SERGEF: variants seen among roughly 807,000 people sequenced by gnomAD.
The protein encoded by SERGEF is secretion-regulating guanine nucleotide exchange factor.
A neutral mutation model predicts 50.0 loss-of-function variants in SERGEF; 51 were observed. That is an observed-to-expected ratio of 1.02 (90% CI 0.81 to 1.29). SERGEF has a LOEUF of 1.29. Ranked by LOEUF, SERGEF falls within the 50% of genes most tolerant of loss-of-function variation. The pLI is 0.00. For missense variants in SERGEF, 521 were observed against 557.0 expected, an observed-to-expected ratio of 0.94 and a Z score of 0.65; for synonymous variants, 205 against 212.4, an observed-to-expected ratio of 0.97 and a Z score of 0.30.
intron 1 of SERGEF, 75 bp from the exon 2 acceptor site, chr11:18,008,151 C>G: frequency 7.0e-7 from 1 of 1,437,360 alleles, no homozygotes; most frequent in Non-Finnish European, 9.6e-7. Flanking sequence ...GTCTCTGTCT[C>G]TCTCACCCTG....
chr11:17,973,182 G>A (rs892881367), intron 8 of SERGEF, among the ~76,000 whole-genome samples: 1 of 152,142 alleles, frequency 6.6e-6, no homozygotes, highest in African/African-American at 2.4e-5. Context: ...AACCTGCAGA[G>A]GAGCTGCTTG....
At chr11:17,828,356 C>T (rs1386249152) in intron 10 of SERGEF, among the ~76,000 whole-genome samples, 3 of 152,180 alleles carry the variant, frequency 2.0e-5, no homozygotes, top group Non-Finnish European at 2.9e-5. Context: ...TGGCCTGCAC[C>T]GGCAGCAGGA....
chr11:17,984,635 C>A (rs957795668), intron 8 of SERGEF, among the ~76,000 whole-genome samples: 2 of 152,116 alleles, frequency 1.3e-5, no homozygotes, highest in African/African-American at 4.8e-5. Context: ...AAGGCTACTG[C>A]AGGATTTAGT....
chr11:17,918,031 T>C (rs1852080954), intron 9 of SERGEF, among the ~76,000 whole-genome samples: 1 of 152,240 alleles, frequency 6.6e-6, no homozygotes, highest in Non-Finnish European at 1.5e-5. Flanking sequence ...GGTATTTTTA[T>C]TCCTGTTTTA....
At chr11:17,825,941 C>A (rs903520921) in intron 10 of SERGEF, among the ~76,000 whole-genome samples, 1 of 152,174 alleles carries the variant, frequency 6.6e-6, no homozygotes. Flanking sequence ...GGGTTTGAAT[C>A]CCAGCTCTGC....
chr11:17,954,923 T>C lies in SERGEF; in HGVS notation c.1011+4547A>G, dbSNP rs867937238. 5.3e-5 allele frequency among the ~76,000 whole-genome samples: 8 copies of C among 152,220 alleles called. No homozygotes were observed. In the South Asian group the frequency reaches 6.2e-4, roughly 12 times the overall value. ...CTGAATAACAAAATGGGAGTAACCA[T>C]GCCTATTCTGGCCTATTTCACAGCA... On this transcript the variant is annotated intron_variant, in intron 9 of 10. Transcript: ENST00000265965.
intron 9 of SERGEF, among the ~76,000 whole-genome samples, chr11:17,934,030 A>C (rs1009084314): frequency 1.1e-4 from 17 of 152,156 alleles, no homozygotes; most frequent in African/African-American, 3.9e-4. Context: ...TTCAGTGTCA[A>C]AATGTTCATG....
chr11:17,967,944 CT>C (rs1221205489), intron 8 of SERGEF, among the ~76,000 whole-genome samples: 4 of 152,246 alleles, frequency 2.6e-5, no homozygotes, highest in Non-Finnish European at 5.9e-5. Context: ...TTAAATGCTG[CT>C]GCCTCCCTAA....
intron 10 of SERGEF, among the ~76,000 whole-genome samples, chr11:17,829,370 G>A (rs555352826): frequency 5.3e-5 from 8 of 152,264 alleles, no homozygotes; most frequent in Middle Eastern, 3.4e-3. Context: ...TCTAATTAGC[G>A]TCTCCCTCCC....
At chr11:17,815,185 C>T (rs1274326735) in intron 10 of SERGEF, among the ~76,000 whole-genome samples, 1 of 151,242 alleles carries the variant, frequency 6.6e-6, no homozygotes, top group East Asian at 2.0e-4. Flanking sequence ...AGATCCATCT[C>T]TTAAGAAAAC....
intron 9 of SERGEF, among the ~76,000 whole-genome samples, chr11:17,927,508 C>A (rs893019152): frequency 3.9e-5 from 6 of 152,216 alleles, no homozygotes; most frequent in Admixed American, 1.3e-4. Context: ...ACATACAACA[C>A]AGAAGGAAAA....
chr11:17,983,825 TAA>T (rs776577952), intron 8 of SERGEF, among the ~76,000 whole-genome samples: 13 of 135,502 alleles, frequency 9.6e-5, no homozygotes, highest in Non-Finnish European at 9.6e-5. Flanking sequence ...GTTAAGACTT[TAA>T]AAAAAAAAAA....
intron 10 of SERGEF, among the ~76,000 whole-genome samples, chr11:17,870,012 CA>C (rs555448086): frequency 6.6e-5 from 10 of 152,182 alleles, no homozygotes; most frequent in South Asian, 2.1e-4. Context: ...GTAATTGAAT[CA>C]GGGGGGCAGT....
intron 10 of SERGEF, among the ~76,000 whole-genome samples, chr11:17,839,179 C>A (rs1338604670): frequency 6.6e-6 from 1 of 152,150 alleles, no homozygotes; most frequent in Admixed American, 6.5e-5. Flanking sequence ...ACATATGAAG[C>A]CAGAATTTTG....
chr11:17,926,825 C>A (rs1852260856), intron 9 of SERGEF: 2 of 456,148 alleles, frequency 4.4e-6, no homozygotes, highest in African/African-American at 4.0e-5. Flanking sequence ...ATCTCCACAT[C>A]TCCCACTGTG....
At chr11:17,946,127 T>G (rs1308902140) in intron 9 of SERGEF, among the ~76,000 whole-genome samples, 2 of 152,184 alleles carry the variant, frequency 1.3e-5, no homozygotes, top group South Asian at 2.1e-4. Flanking sequence ...ATTAGGAAAG[T>G]GAGGCTCAGA....
chr11:17,952,209 T>C (rs1852786277), intron 9 of SERGEF, among the ~76,000 whole-genome samples: 2 of 152,246 alleles, frequency 1.3e-5, no homozygotes, highest in African/African-American at 4.8e-5. Flanking sequence ...CATTGCAGTA[T>C]TGGGCAGCAA....
intron 9 of SERGEF, among the ~76,000 whole-genome samples, chr11:17,932,003 A>C (rs1304407321): frequency 6.6e-6 from 1 of 152,164 alleles, no homozygotes; most frequent in Non-Finnish European, 1.5e-5. Flanking sequence ...AGAGAAAAGC[A>C]ATAAAACTGG....
intron 9 of SERGEF, among the ~76,000 whole-genome samples, chr11:17,933,888 C>A (rs1852401275): frequency 6.6e-6 from 1 of 152,032 alleles, no homozygotes; most frequent in African/African-American, 2.4e-5. Context: ...GTTACCATAG[C>A]AACAGAGAGG....
Sources: allele counts gnomAD v4.1 joint callset (sites outside exome capture counted in the v4.1 genomes callset), GRCh38; gene constraint gnomAD v4.1.1; transcripts MANE v1.5; gene names NCBI Gene and HGNC (gene_info 2026-07-23, HGNC 2026-07-21).